LPA: variants seen among roughly 807,000 people sequenced by gnomAD.
LPA encodes lipoprotein(a), also known as apolipoprotein(a).
A neutral mutation model predicts 197.9 loss-of-function variants in LPA; 199 were observed. The ratio of observed to expected loss-of-function variants is 1.01; its 90% confidence interval spans 0.90 to 1.13. The LOEUF (loss-of-function observed/expected upper bound fraction) is 1.13, where lower values mean the gene tolerates loss of function less well. Ranked by LOEUF, LPA falls within the 50% of genes most tolerant of loss-of-function variation. The pLI is 0.00. For missense variants in LPA, 1,853 were observed against 1,785.8 expected, an observed-to-expected ratio of 1.04 and a Z score of -0.68; for synonymous variants, 715 against 639.5, an observed-to-expected ratio of 1.12 and a Z score of -1.78.
chr6:160,576,719 C>A (rs1418951575), intron 28 of LPA, among the ~76,000 whole-genome samples: 1 of 107,366 alleles, frequency 9.3e-6, no homozygotes, highest in South Asian at 3.2e-4. Flanking sequence ...TATATATATA[C>A]ACATCTTAAT....
At chr6:160,567,827 C>T (rs1414368636) in intron 28 of LPA, among the ~76,000 whole-genome samples, 1 of 152,130 alleles carries the variant, frequency 6.6e-6, no homozygotes, top group Admixed American at 6.5e-5. Flanking sequence ...CTACCAATCC[C>T]ACAGAAATAC....
chr6:160,591,439 C>T (rs1402015493), intron 22 of LPA, among the ~76,000 whole-genome samples: 1 of 152,154 alleles, frequency 6.6e-6, no homozygotes, highest in East Asian at 1.9e-4. Context: ...TGAAGTGAGT[C>T]TTGTAGATTG....
intron 7 of LPA, 67 bp downstream of exon 7, chr6:160,635,055 AG>A (rs1299670711): frequency 6.7e-7 from 1 of 1,486,976 alleles, no homozygotes; most frequent in African/African-American, 1.5e-5. Context: ...CGGCTGCATC[AG>A]TGGGAATTTC....
intron 27 of LPA, among the ~76,000 whole-genome samples, 191 bp downstream of exon 27, chr6:160,578,332 C>T (rs1778723759): frequency 6.6e-6 from 1 of 151,998 alleles, no homozygotes; most frequent in South Asian, 2.1e-4. Context: ...CGTGCCCTTC[C>T]TAAAGACACT....
chr6:160,560,472 A>G (rs1207129600), intron 28 of LPA, among the ~76,000 whole-genome samples: 1 of 152,088 alleles, frequency 6.6e-6, no homozygotes, highest in African/African-American at 2.4e-5. Context: ...TGACTTTTTA[A>G]TGATCGCCAT....
At chr6:160,610,099 C>T (rs1371324049) in intron 16 of LPA, among the ~76,000 whole-genome samples, 5 of 152,102 alleles carry the variant, frequency 3.3e-5, no homozygotes, top group South Asian at 4.1e-4. Context: ...TTCTAATTAT[C>T]GATGTCATTT....
At chr6:160,577,929 T>C (rs570003753) in intron 27 of LPA, among the ~76,000 whole-genome samples, 1 of 152,154 alleles carries the variant, frequency 6.6e-6, no homozygotes, top group Non-Finnish European at 1.5e-5. Flanking sequence ...GCAGGTTTCA[T>C]GAGAAGAAGA....
chr6:160,552,276 A>AT (rs201325283), intron 30 of LPA, among the ~76,000 whole-genome samples: 47 of 151,132 alleles, frequency 3.1e-4, no homozygotes, highest in African/African-American at 1.1e-3. Context: ...AAGTCCTCCA[A>AT]TTTTTTTTTC....
intron 29 of LPA, 132 bp downstream of exon 29, chr6:160,557,258 G>GCTT: frequency 9.0e-7 from 1 of 1,112,054 alleles, no homozygotes; most frequent in Non-Finnish European, 1.3e-6. Context: ...CAGAGAGAGT[G>GCTT]CTGAGGCTTC....
At chr6:160,583,150 C>A (rs2115036115) in intron 26 of LPA, among the ~76,000 whole-genome samples, 1 of 151,660 alleles carries the variant, frequency 6.6e-6, no homozygotes, top group South Asian at 2.1e-4. Flanking sequence ...CTTGCCAATT[C>A]TGTTATTTTT....
At chr6:160,593,044 G>A (rs1237314405) in intron 22 of LPA, among the ~76,000 whole-genome samples, 2 of 152,146 alleles carry the variant, frequency 1.3e-5, no homozygotes, top group African/African-American at 4.8e-5. Flanking sequence ...GCCTTGAGAA[G>A]ACTTCGGTGT....
At chr6:160,541,209 G>T in intron 34 of LPA, 28 bp from the exon 35 acceptor site, 1 of 1,518,480 alleles carries the variant, frequency 6.6e-7, no homozygotes, top group East Asian at 2.3e-5. Flanking sequence ...CAAGGCTTTG[G>T]TCAAATTGGA....
intron 6 of LPA, among the ~76,000 whole-genome samples, chr6:160,635,527 A>C (rs1185820317): frequency 4.2e-5 from 5 of 119,516 alleles, no homozygotes; most frequent in Admixed American, 7.6e-5. Flanking sequence ...TAAATAAAAA[A>C]TCTAAAGTAG....
chr6:160,561,611 T>G (rs1257719029), intron 28 of LPA, among the ~76,000 whole-genome samples: 1 of 152,130 alleles, frequency 6.6e-6, no homozygotes, highest in Admixed American at 6.6e-5. Context: ...TGTGAAGAAA[T>G]CAATGGTAGC....
chr6:160,565,731 C>T (rs59112254), intron 28 of LPA, among the ~76,000 whole-genome samples: 28 of 152,176 alleles, frequency 1.8e-4, no homozygotes, highest in East Asian at 7.7e-4. Flanking sequence ...CAAATTTCTC[C>T]GAGCTAAAGA....
Position 160,594,029 on chromosome 6 carries a change from TC to T in LPA, c.3557del (p.Gly1186GlufsTer10). ...TAGAGGACCAAGACTGACATGTCCT[TC>T]CTGTGACAGTGGTAGAGAATGAGCC... Reference protein sequence around the residue: ...YRGSFSTTVTGRTCQSWSSMT... With the variant: ...YRGSFSTTVTXRTCQSWSSMT... On this transcript the variant is annotated frameshift_variant, in exon 22 of 39. Coordinates refer to ENST00000316300, the MANE Select transcript of LPA (RefSeq NM_005577.4). LOFTEE classifies it high-confidence loss of function. The T allele has an allele frequency of 6.2e-7, 1 of 1,613,990 alleles. No individual in the cohort carries two copies. The highest frequency in any genetic ancestry group is 1.1e-5 in the South Asian group (1 of 91,084).
At chr6:160,654,078 ATATT>A (rs1435550177) in intron 1 of LPA, among the ~76,000 whole-genome samples, 4 of 55,752 alleles carry the variant, frequency 7.2e-5, no homozygotes, top group Non-Finnish European at 1.2e-4. Flanking sequence ...TATATAATAT[ATATT>A]ATATATATTA....
chr6:160,539,443 G>GA (rs748286134), intron 36 of LPA, among the ~76,000 whole-genome samples: 132 of 146,948 alleles, frequency 9.0e-4, no homozygotes, highest in Non-Finnish European at 1.3e-3. Flanking sequence ...TATGTTGTGT[G>GA]GGTTTTTTTT....
intron 26 of LPA, among the ~76,000 whole-genome samples, chr6:160,582,212 C>CT (rs922533415): frequency 9.3e-5 from 14 of 151,016 alleles, no homozygotes; most frequent in Admixed American, 2.0e-4. Context: ...CTGACTTGAT[C>CT]TTTTTTTTTC....
Sources: allele counts gnomAD v4.1 joint callset (sites outside exome capture counted in the v4.1 genomes callset), GRCh38; gene constraint gnomAD v4.1.1; transcripts MANE v1.5; gene names NCBI Gene and HGNC (gene_info 2026-07-23, HGNC 2026-07-21).